Variants in GLIPR1L2 observed in about 807,000 individuals in gnomAD.
GLIPR1L2 encodes the protein GLIPR1-like protein 2.
GLIPR1L2 carries 21 observed loss-of-function variants against 28.4 expected under a neutral mutation model. The observed-to-expected ratio is 0.74, with a 90% CI of 0.52 to 1.06. The LOEUF is 1.06. Ranked by LOEUF, GLIPR1L2 falls within the 50% of genes least tolerant of loss-of-function variation. GLIPR1L2 has a pLI of 0.00. For missense variants in GLIPR1L2, 476 were observed against 416.9 expected, an observed-to-expected ratio of 1.14 and a Z score of -1.23; for synonymous variants, 145 against 139.3, an observed-to-expected ratio of 1.04 and a Z score of -0.29.
chr12:75,418,194 G>C (rs903064074), intron 3 of GLIPR1L2, among the ~76,000 whole-genome samples: 2 of 152,078 alleles, frequency 1.3e-5, no homozygotes, highest in African/African-American at 4.8e-5. Flanking sequence ...CATATGTAAT[G>C]ATTGTGATAA....
At chr12:75,422,398 G>T (rs1399315333) in intron 3 of GLIPR1L2, among the ~76,000 whole-genome samples, 1 of 150,522 alleles carries the variant, frequency 6.6e-6, no homozygotes, top group Non-Finnish European at 1.5e-5. Context: ...CGCCTCCTGG[G>T]TTCACGCCAT....
At chr12:75,423,124 G>C in intron 4 of GLIPR1L2, 135 bp downstream of exon 4, 1 of 1,555,982 alleles carries the variant, frequency 6.4e-7, no homozygotes. Context: ...GTTATCAAAG[G>C]ATGGTTGACA....
intron 1 of GLIPR1L2, among the ~76,000 whole-genome samples, chr12:75,400,867 G>A (rs751879913): frequency 1.7e-4 from 26 of 152,162 alleles, no homozygotes; most frequent in South Asian, 6.2e-4. Flanking sequence ...CTTTGTGTAC[G>A]ATGGCATGAA....
Position 75,391,180 on chromosome 12 carries a change from G to A in GLIPR1L2, c.64G>A (p.Gly22Ser). ...CCAGTCCCTACCCCTGGCAGTAGGG[G>A]GCGTTTTGAAGCTGCGGCTCTGTGA... ...RAQSLPLAVG[G>S]VLKLRLCELW... Residue 22 changes from glycine (G) to serine (S), a missense_variant, in exon 1 of 6, where the codon GGC becomes AGC. By Grantham distance (56) the Gly-to-Ser change is moderately conservative. Transcript: ENST00000550916. The A allele has an allele frequency of 6.2e-7, 1 of 1,614,226 alleles. No homozygotes were observed.
At chr12:75,395,139 G>GT in intron 1 of GLIPR1L2, among the ~76,000 whole-genome samples, 1 of 151,868 alleles carries the variant, frequency 6.6e-6, no homozygotes, top group Non-Finnish European at 1.5e-5. Context: ...GGTTCTAACA[G>GT]TTTTTTTGTG....
intron 1 of GLIPR1L2, among the ~76,000 whole-genome samples, chr12:75,392,114 G>C (rs1278625657): frequency 6.6e-6 from 1 of 152,166 alleles, no homozygotes; most frequent in Non-Finnish European, 1.5e-5. Context: ...TAGGGAATTA[G>C]AAGCTTCAAA....
intron 1 of GLIPR1L2, among the ~76,000 whole-genome samples, chr12:75,409,556 GGT>G (rs199625413): frequency 1.0e-5 from 1 of 97,478 alleles, no homozygotes. Context: ...ATTTTTTTTG[GGT>G]GTGTGTGTAT....
intron 1 of GLIPR1L2, among the ~76,000 whole-genome samples, chr12:75,394,711 C>G (rs7970458): frequency 0.37 from 50,825 of 136,636 alleles, 9,206 homozygotes; most frequent in East Asian, 0.49. Context: ...TTTGGCCATA[C>G]AGGGTCCTTT....
At chr12:75,405,055 TG>T (rs1375740023) in intron 1 of GLIPR1L2, among the ~76,000 whole-genome samples, 2 of 152,232 alleles carry the variant, frequency 1.3e-5, no homozygotes, top group African/African-American at 4.8e-5. Context: ...TATAGAATGC[TG>T]GTATGTGACA....
intron 1 of GLIPR1L2, among the ~76,000 whole-genome samples, chr12:75,395,170 C>G (rs1396953410): frequency 6.6e-6 from 1 of 151,886 alleles, no homozygotes; most frequent in Non-Finnish European, 1.5e-5. Context: ...TTAGGGTTGT[C>G]TACATATAAG....
At position 75,406,546 on chromosome 12, in the gene GLIPR1L2, C is replaced by T. The variant is rs867014936; in HGVS notation, c.235-3888C>T. ...CTGAGGTGGGAGGATCACTTGAGCC[C>T]AGGAGTTTGTGACCAGCTTTGGCAA... On this transcript the variant is annotated intron_variant, in intron 1 of 5. Transcript: ENST00000550916. 6.6e-5 allele frequency among the ~76,000 whole-genome samples: 10 copies of T among 151,992 alleles called. No individual in the cohort carries two copies. The South Asian group carries it at 8.3e-4, about 13-fold the overall frequency.
chr12:75,422,788 C>G, intron 3 of GLIPR1L2, 116 bp from the exon 4 acceptor site: 1 of 751,636 alleles, frequency 1.3e-6, no homozygotes, highest in South Asian at 1.8e-5. Flanking sequence ...TTCCTTAAGT[C>G]CAGTTTCTTA....
intron 4 of GLIPR1L2, among the ~76,000 whole-genome samples, chr12:75,430,038 T>G (rs923715392): frequency 6.7e-6 from 1 of 149,818 alleles, no homozygotes. Flanking sequence ...AGGGTTCAAG[T>G]GATTATCCTG....
chr12:75,431,188 A>G lies in GLIPR1L2; in HGVS notation c.*27A>G, dbSNP rs972322327. On this transcript the variant is annotated 3_prime_UTR_variant, in exon 6 of 6. Coordinates refer to ENST00000550916, the MANE Select transcript of GLIPR1L2 (RefSeq NM_001270396.2). ...AGTAGAAAGAGGAGGAAAAAGATGT[A>G]TCACCAATATAAACCAAAAGTGTAA... 18 of 643,620 alleles carry G rather than the reference A, an allele frequency of 2.8e-5. No homozygotes were observed. The highest frequency in any genetic ancestry group is 3.8e-5 in the Non-Finnish European group (14 of 370,498). The allele number at this position is 643,620 out of a possible 1,614,324, so 39.9% of individuals were successfully genotyped here. A position where few individuals can be genotyped will look rare whatever the true frequency, so the allele number is the denominator to read the frequency against.
chr12:75,425,989 G>C lies in GLIPR1L2; in HGVS notation c.670+3000G>C, dbSNP rs570824682. ...AGATAAAACTATAACTATGGACTCAGTTTCAACATGTGAATAATTGTAGGG... is the reference window on the plus strand; with the variant it reads ...AGATAAAACTATAACTATGGACTCACTTTCAACATGTGAATAATTGTAGGG... On this transcript the variant is annotated intron_variant, in intron 4 of 5. Transcript: ENST00000550916. 2.0e-5 allele frequency among the ~76,000 whole-genome samples: 3 copies of C among 152,184 alleles called. No homozygotes were observed. The East Asian group carries it at 5.8e-4, about 29-fold the overall frequency.
chr12:75,417,765 T>C (rs1333998417), intron 3 of GLIPR1L2, among the ~76,000 whole-genome samples: 1 of 144,456 alleles, frequency 6.9e-6, no homozygotes, highest in Non-Finnish European at 1.5e-5. Context: ...TTATAATGTA[T>C]CAGAAAAAAA....
chr12:75,423,034 G>GACA (rs59277111), intron 4 of GLIPR1L2, 45 bp downstream of exon 4: 610,129 of 1,595,938 alleles, frequency 0.38, 119,565 homozygotes, highest in East Asian at 0.46. Context: ...TAATGGATTG[G>GACA]ACAAGAAAAA....
intron 2 of GLIPR1L2, among the ~76,000 whole-genome samples, chr12:75,411,706 T>C (rs2045869541): frequency 6.6e-6 from 1 of 151,970 alleles, no homozygotes; most frequent in South Asian, 2.1e-4. Flanking sequence ...CTTTAACTCT[T>C]GCAGATACTC....
At chr12:75,419,349 G>A (rs2045954948) in intron 3 of GLIPR1L2, among the ~76,000 whole-genome samples, 1 of 152,012 alleles carries the variant, frequency 6.6e-6, no homozygotes, top group Admixed American at 6.6e-5. Context: ...GTTCAGAGGT[G>A]GAGCTGTTTT....
Sources: allele counts gnomAD v4.1 joint callset (sites outside exome capture counted in the v4.1 genomes callset), GRCh38; gene constraint gnomAD v4.1.1; transcripts MANE v1.5; gene names NCBI Gene and HGNC (gene_info 2026-07-23, HGNC 2026-07-21).